The following CLIP2 variants were observed in gnomAD, a reference collection of about 807,000 sequenced individuals.
CLIP2 encodes the protein CAP-Gly domain-containing linker protein 2.
In CLIP2, 41 loss-of-function variants were observed where a neutral mutation model predicts 111.7. The ratio of observed to expected loss-of-function variants is 0.37; its 90% CI spans 0.29 to 0.48. CLIP2 has a LOEUF of 0.48. Among genes scored for constraint, CLIP2 ranks in the 20% least tolerant of loss-of-function variants. CLIP2 has a pLI of 0.99. For missense variants in CLIP2, 1,160 were observed against 1,422.1 expected (o/e 0.82, Z 2.96); for synonymous variants, 660 against 644.2 (o/e 1.02, Z -0.37).
chr7:74,354,256 G>A (rs1790089794), intron 4 of CLIP2, among the ~76,000 whole-genome samples: 3 of 152,166 alleles, frequency 2.0e-5, no homozygotes, highest in Non-Finnish European at 4.4e-5. Context: ...CAAGCGCCAA[G>A]AGAATCTGTC....
chr7:74,307,485 C>T (rs928086938), intron 1 of CLIP2, among the ~76,000 whole-genome samples: 7 of 152,206 alleles, frequency 4.6e-5, no homozygotes, highest in African/African-American at 1.4e-4. Context: ...ACAGTAGGTT[C>T]GTTTTTTTGT....
At chr7:74,354,183 C>T (rs1160656395) in intron 4 of CLIP2, among the ~76,000 whole-genome samples, 179 bp downstream of exon 4, 1 of 152,126 alleles carries the variant, frequency 6.6e-6, no homozygotes, top group African/African-American at 2.4e-5. Flanking sequence ...GGATTATCAT[C>T]CCATTTTACA....
chr7:74,298,110 C>T (rs1000284998), intron 1 of CLIP2, among the ~76,000 whole-genome samples: 2 of 151,764 alleles, frequency 1.3e-5, no homozygotes, highest in East Asian at 3.9e-4. Context: ...TTTGGGAGGC[C>T]GAGGCAGGAG....
intron 2 of CLIP2, among the ~76,000 whole-genome samples, chr7:74,321,711 C>T (rs1242842143): frequency 6.6e-6 from 1 of 151,838 alleles, no homozygotes; most frequent in East Asian, 1.9e-4. Flanking sequence ...CTTGTGATCC[C>T]CCCGCCTTGG....
In CLIP2 at chr7:74,309,852, A is replaced by G. The variant is rs973463709; in HGVS notation, c.-67-7628A>G. Among the ~76,000 whole-genome samples, 9 of 150,142 alleles carry G rather than the reference A, an allele frequency of 6.0e-5. No homozygotes were observed. In the East Asian group the frequency reaches 9.8e-4, roughly 16 times the overall value. On this transcript the variant is annotated intron_variant, in intron 1 of 16. Coordinates refer to ENST00000223398, the MANE Select transcript of CLIP2 (RefSeq NM_003388.5). Reference sequence around the variant, plus strand: ...AAAAAAAAAAAAAAAGCATTCATCTATGTTGCACATATCAGTAGTTCTTTA... The same window carrying G: ...AAAAAAAAAAAAAAAGCATTCATCTGTGTTGCACATATCAGTAGTTCTTTA...
At chr7:74,297,129 G>A (rs1459810851) in intron 1 of CLIP2, among the ~76,000 whole-genome samples, 3 of 152,068 alleles carry the variant, frequency 2.0e-5, no homozygotes, top group Admixed American at 6.6e-5. Context: ...GTACAGCTGC[G>A]GAATCCTGGT....
chr7:74,296,025 TAATC>T (rs1191779379), intron 1 of CLIP2, among the ~76,000 whole-genome samples: 2 of 144,560 alleles, frequency 1.4e-5, no homozygotes, highest in African/African-American at 5.2e-5. Context: ...TTTATAGAGA[TAATC>T]AAGTTCAAAT....
chr7:74,401,265 C>G (rs782164638), intron 15 of CLIP2, among the ~76,000 whole-genome samples: 3 of 152,238 alleles, frequency 2.0e-5, no homozygotes, highest in Non-Finnish European at 4.4e-5. Flanking sequence ...GGAGGGAGCC[C>G]TGCCCTCTGG....
intron 12 of CLIP2, chr7:74,388,804 A>C (rs1398336399): frequency 1.4e-5 from 3 of 218,432 alleles, no homozygotes; most frequent in African/African-American, 2.3e-5. Context: ...CCAAAAAAAA[A>C]AAACCGCCAG....
In CLIP2 at chr7:74,376,026, T is replaced by A. The variant is rs1790768183; in HGVS notation, c.1625T>A (p.Ile542Asn). Residue 542 changes from isoleucine to asparagine, a missense_variant, in exon 10 of 17, where the codon ATC (isoleucine) becomes AAC (asparagine). By Grantham distance (149) the Ile-to-Asn change is moderately radical. Transcript: ENST00000223398. This position sits in a 1 kb window ranked among gnomAD's most constrained non-coding sequence, Gnocchi z 7.1. ...CCGGACCACCCAGACGCCGCCGAGA[T>A]CCTGCGGCTACGGGAGCGGCTGCTC... Reference protein sequence around the residue: ...PPPDHPDAAEILRLRERLLSA... With the variant: ...PPPDHPDAAENLRLRERLLSA... 7 of 1,612,728 alleles carry A rather than the reference T, an allele frequency of 4.3e-6. No homozygotes were observed. The South Asian group carries it at 7.7e-5, about 18-fold the overall frequency.
chr7:74,292,744 C>T (rs1243264208), intron 1 of CLIP2, among the ~76,000 whole-genome samples: 3 of 152,222 alleles, frequency 2.0e-5, no homozygotes, highest in African/African-American at 7.2e-5. Flanking sequence ...ATAAGGTTGC[C>T]TACATTTTAC....
intron 11 of CLIP2, chr7:74,381,187 C>A (rs1316444476): frequency 1.1e-4 from 17 of 159,866 alleles, no homozygotes; most frequent in East Asian, 1.0e-3. Flanking sequence ...TTATACTTTA[C>A]TTTTATTTAT....
At chr7:74,339,572 C>T (rs1789596785) in intron 3 of CLIP2, among the ~76,000 whole-genome samples, 1 of 152,136 alleles carries the variant, frequency 6.6e-6, no homozygotes, top group South Asian at 2.1e-4. Flanking sequence ...TCCCAAAGTG[C>T]TTGGATTACA....
Position 74,357,346 on chromosome 7 carries a change from A to G in CLIP2, c.1084A>G (p.Lys362Glu). ...SGTTALQEAL[K>E]EKQQHIEQLL... is the part of the protein sequence containing the mutation. ...CACCACGGCCTTGCAGGAGGCACTG[A>G]AGGAGAAGCAGCAGCACATTGAGCA... is the stretch of plus-strand genomic sequence containing the variant. The change falls in exon 6 of 17, where the codon AAG (lysine) becomes GAG (glutamate). Residue 362 changes from lysine (K) to glutamate (E), a missense_variant. This residue lies in a region of CLIP2 where 3 missense variants were observed against 29.0 expected (regional missense o/e 0.10). Transcript: ENST00000223398. The G allele has an allele frequency of 6.2e-7, 1 of 1,614,134 alleles. No individual in the cohort carries two copies. The highest frequency in any genetic ancestry group is 8.5e-7 in the Non-Finnish European group (1 of 1,179,998).
chr7:74,351,091 AGG>A (rs1789981016), intron 3 of CLIP2, among the ~76,000 whole-genome samples: 1 of 26,424 alleles, frequency 3.8e-5, no homozygotes, highest in African/African-American at 6.6e-5. Context: ...AAGAAAAAGA[AGG>A]AAGGGAAGGG....
chr7:74,395,275 C>A lies in CLIP2; in HGVS notation c.2721-1799C>A, dbSNP rs1476560778. Among the ~76,000 whole-genome samples the A allele has an allele frequency of 2.0e-5, 3 of 151,992 alleles. No homozygotes were observed. The East Asian group carries it at 5.8e-4, about 29-fold the overall frequency. On this transcript the variant is annotated intron_variant, in intron 13 of 16. Transcript: ENST00000223398. The stretch of plus-strand genomic sequence containing the variant: ...CCTGGGTTCAAGCAATTCTCCTGCC[C>A]CAGCCTCTCAAGTAGCTGGGATTAC...
In CLIP2 at chr7:74,351,264, C is replaced by G. The variant is rs148068593; in HGVS notation, c.679-2616C>G. ...ATTGCTTGAGCCCGGAAGTTTGAGA[C>G]CAGCCTGGGCAATGTGACGAAACCC... is the stretch of plus-strand genomic sequence containing the variant. On this transcript the variant is annotated intron_variant, in intron 3 of 16. Transcript: ENST00000223398. Among the ~76,000 whole-genome samples, 429 of 151,484 alleles carry G rather than the reference C, an allele frequency of 2.8e-3. 3 individuals are homozygous for G. The highest frequency in any genetic ancestry group is 9.7e-3 in the African/African-American group (401 of 41,332).
chr7:74,360,343 G>T, intron 7 of CLIP2, 65 bp downstream of exon 7: 4 of 1,289,598 alleles, frequency 3.1e-6, no homozygotes, highest in Admixed American at 2.0e-5. Flanking sequence ...AAGAGGGCAG[G>T]CTTGGGAATA....
intron 16 of CLIP2, 108 bp downstream of exon 16, chr7:74,401,675 A>G: frequency 8.7e-7 from 1 of 1,150,706 alleles, no homozygotes. Context: ...TTCTGCAAGA[A>G]GCTTTACAGT....
Sources: allele counts gnomAD v4.1 joint callset (sites outside exome capture counted in the v4.1 genomes callset), GRCh38; gene constraint gnomAD v4.1.1; regional missense constraint gnomAD v4.1.1; non-coding constraint Gnocchi (gnomAD v3.1); transcripts MANE v1.5; gene names NCBI Gene and HGNC (gene_info 2026-07-23, HGNC 2026-07-21).